The following RAB11FIP3 variants were observed in gnomAD, a reference collection of about 807,000 sequenced individuals.
RAB11FIP3 encodes RAB11 family interacting protein 3.
RAB11FIP3 carries 17 observed loss-of-function variants against 77.8 expected under a neutral mutation model. That is an observed-to-expected ratio of 0.22 (90% CI 0.15 to 0.33). The LOEUF (loss-of-function observed/expected upper bound fraction) is 0.33, where lower values mean the gene tolerates loss of function less well. Among genes scored for constraint, RAB11FIP3 ranks in the 10% least tolerant of loss-of-function variants. The pLI is 1.00. For missense variants in RAB11FIP3, 1,005 were observed against 1,011.2 expected, an observed-to-expected ratio of 0.99 and a Z score of 0.08; for synonymous variants, 437 against 448.2, an observed-to-expected ratio of 0.98 and a Z score of 0.31.
Position 505,186 on chromosome 16 carries a change from T to C in RAB11FIP3, c.1396-338T>C, listed in dbSNP as rs933559112. Among the ~76,000 whole-genome samples, 1 of 151,872 alleles carries C rather than the reference T, an allele frequency of 6.6e-6. No individual in the cohort carries two copies. Among genetic ancestry groups the C allele is most frequent in the Non-Finnish European group, 1.5e-5 (1 of 67,980 alleles). On this transcript the variant is annotated intron_variant, in intron 7 of 13. Transcript: ENST00000262305. This position sits in a 1 kb window ranked among gnomAD's most constrained non-coding sequence, Gnocchi z 4.0. ...GGGCACCTGGGCTGCCTCTGTGAGCTGCATCTGGCTGAGCAGAGACCCAAC... is the reference window on the plus strand; with the variant it reads ...GGGCACCTGGGCTGCCTCTGTGAGCCGCATCTGGCTGAGCAGAGACCCAAC...
intron 3 of RAB11FIP3, chr16:475,181 C>T (rs2055879453): frequency 5.5e-6 from 8 of 1,452,828 alleles, no homozygotes; most frequent in South Asian, 1.4e-5. Flanking sequence ...GGAACTGTGA[C>T]GGGGACAGTG....
chr16:498,578 C>T (rs2031306305), intron 6 of RAB11FIP3, among the ~76,000 whole-genome samples: 2 of 152,184 alleles, frequency 1.3e-5, no homozygotes, highest in Admixed American at 1.3e-4. Context: ...GACATCATCA[C>T]AGCTCTCAAT....
At chr16:454,667 G>A (rs1286355422) in intron 1 of RAB11FIP3, among the ~76,000 whole-genome samples, 2 of 152,124 alleles carry the variant, frequency 1.3e-5, no homozygotes, top group East Asian at 3.8e-4. Flanking sequence ...GGTCCCTGAG[G>A]CTAATGTGAT....
At chr16:492,838 C>T (rs1252870554) in intron 5 of RAB11FIP3, among the ~76,000 whole-genome samples, 1 of 152,182 alleles carries the variant, frequency 6.6e-6, no homozygotes, top group African/African-American at 2.4e-5. Context: ...CCAAGATGGC[C>T]ATGGTCGCCT....
chr16:490,748 A>G (rs545557973), intron 5 of RAB11FIP3, among the ~76,000 whole-genome samples: 1 of 152,366 alleles, frequency 6.6e-6, no homozygotes, highest in Admixed American at 6.5e-5. Context: ...ACCCGGAGAC[A>G]TGGTTCGCTA....
chr16:470,236 G>C (rs1221026236), intron 2 of RAB11FIP3, among the ~76,000 whole-genome samples: 1 of 151,720 alleles, frequency 6.6e-6, no homozygotes, highest in Non-Finnish European at 1.5e-5. Flanking sequence ...GACCTCAAAT[G>C]ATCCTCCTGC....
chr16:473,328 GT>G (rs1490290328), intron 3 of RAB11FIP3, among the ~76,000 whole-genome samples: 3 of 152,288 alleles, frequency 2.0e-5, no homozygotes, highest in East Asian at 1.9e-4. Context: ...ATGGAAGAAA[GT>G]TTTTTGACTT....
intron 1 of RAB11FIP3, among the ~76,000 whole-genome samples, chr16:455,049 C>CA (rs769495387): frequency 0.057 from 3,789 of 67,020 alleles, 239 homozygotes; most frequent in African/African-American, 0.17. Context: ...AACTCCGTCT[C>CA]AAAAAAAAAA....
At chr16:474,616 C>T (rs1395027071) in intron 3 of RAB11FIP3, among the ~76,000 whole-genome samples, 1 of 152,108 alleles carries the variant, frequency 6.6e-6, no homozygotes, top group Non-Finnish European at 1.5e-5. Flanking sequence ...ATCGTCGGGC[C>T]GCGCTCTCTC....
chr16:507,452 G>T lies in RAB11FIP3; in HGVS notation c.1499+1825G>T, dbSNP rs2031929208. Among the ~76,000 whole-genome samples the T allele has an allele frequency of 6.6e-6, 1 of 151,986 alleles. No individual in the cohort carries two copies. The highest frequency in any genetic ancestry group is 1.5e-5 in the Non-Finnish European group (1 of 68,006). On this transcript the variant is annotated intron_variant, in intron 8 of 13. Coordinates refer to ENST00000262305, the MANE Select transcript of RAB11FIP3 (RefSeq NM_014700.4). This position sits in a 1 kb window ranked among gnomAD's most constrained non-coding sequence, Gnocchi z 4.6. ...TATAGAGATGAGGTCTTGCCATGTT[G>T]CCCATGCTGGTCTCAAACGCCTGGC...
intron 7 of RAB11FIP3, among the ~76,000 whole-genome samples, chr16:503,989 CCCTCACCACCTCCTGTACCCCCT>C (rs2031678713): frequency 2.1e-5 from 2 of 94,506 alleles, no homozygotes; most frequent in African/African-American, 8.3e-5. Flanking sequence ...CTCCTGTACC[CCCTCACCACCTCCTGTACCCCCT>C]CACTACCTCC....
intron 8 of RAB11FIP3, among the ~76,000 whole-genome samples, chr16:509,953 G>A (rs1338814024): frequency 1.3e-5 from 2 of 152,260 alleles, no homozygotes; most frequent in East Asian, 1.9e-4. Context: ...TTCAGCTGCC[G>A]CGGACCACGT....
At chr16:438,469 T>C (rs2055168494) in intron 1 of RAB11FIP3, among the ~76,000 whole-genome samples, 1 of 141,208 alleles carries the variant, frequency 7.1e-6, no homozygotes, top group Non-Finnish European at 1.5e-5. Context: ...GCAGTGGCAC[T>C]ATCTCAGCTC....
intron 2 of RAB11FIP3, among the ~76,000 whole-genome samples, chr16:463,590 C>CATT: frequency 6.6e-6 from 1 of 152,196 alleles, no homozygotes; most frequent in Non-Finnish European, 1.5e-5. Flanking sequence ...AGGCATGTGC[C>CATT]ATTGCGCCCA....
intron 5 of RAB11FIP3, 90 bp from the exon 6 acceptor site, chr16:496,734 C>G: frequency 7.3e-7 from 1 of 1,372,824 alleles, no homozygotes; most frequent in Non-Finnish European, 1.0e-6. Context: ...GGCCGCCCAC[C>G]TCGTATCTCC....
At position 469,648 on chromosome 16, in the gene RAB11FIP3, C is replaced by T. The variant is rs2141678255; in HGVS notation, c.809-1647C>T. ...TAAGTGATCCGCCCGCCTCGGCCTCCCAAAGTGCTAGGATTACAGGCGTGA... is the reference window on the plus strand; with the variant it reads ...TAAGTGATCCGCCCGCCTCGGCCTCTCAAAGTGCTAGGATTACAGGCGTGA... On this transcript the variant is annotated intron_variant, in intron 2 of 13. Transcript: ENST00000262305. Among the ~76,000 whole-genome samples, 2 of 152,214 alleles carry T rather than the reference C, an allele frequency of 1.3e-5. 1 individual carries two copies. Among genetic ancestry groups the T allele is most frequent in the South Asian group, 4.1e-4 (2 of 4,820 alleles).
chr16:510,901 C>T lies in RAB11FIP3; in HGVS notation c.1640+101C>T, dbSNP rs1218479159. On this transcript the variant is annotated intron_variant, in intron 9 of 13. Transcript: ENST00000262305. The stretch of plus-strand genomic sequence containing the variant: ...CCCCAGAAACTGCAGGCCAGGTAGG[C>T]GAGGTTCCCGACAGCCCGCCAACCC... 9 of 1,265,238 alleles carry T rather than the reference C, an allele frequency of 7.1e-6. No individual in the cohort carries two copies. The South Asian group carries it at 1.1e-4, about 16-fold the overall frequency. The allele number at this position is 1,265,238 out of a possible 1,614,324, so 78.4% of individuals were successfully genotyped here.
At chr16:490,357 G>A (rs1031953386) in intron 5 of RAB11FIP3, among the ~76,000 whole-genome samples, 40 of 152,306 alleles carry the variant, frequency 2.6e-4, no homozygotes, top group Middle Eastern at 3.4e-3. Flanking sequence ...ACTGAGTTTC[G>A]ACAGGTCGGT....
rs1453616154 is a variant in RAB11FIP3, at chr16:426,087, G to T, written c.81G>T (p.Pro27=). Residue 27 remains proline, a synonymous_variant, in exon 1 of 14, where the codon CCG becomes CCT. Coordinates refer to ENST00000262305, the MANE Select transcript of RAB11FIP3 (RefSeq NM_014700.4). This position sits in a 1 kb window ranked among gnomAD's most constrained non-coding sequence, Gnocchi z 5.0. ...PDPEPGGPDG[P]GAAQLAPGPA... is the part of the protein sequence containing the mutation. ...CGGAGCCGGGCGGGCCGGACGGGCC[G>T]GGGGCGGCACAACTGGCTCCGGGCC... 1.0e-6 allele frequency: 1 copy of T among 1,003,014 alleles called. No individual in the cohort carries two copies. Among genetic ancestry groups the T allele is most frequent in the East Asian group, 1.0e-4 (1 of 9,672 alleles). 62.1% of individuals were successfully genotyped at this position (1,003,014 alleles called of 1,614,324 possible).
Sources: allele counts gnomAD v4.1 joint callset (sites outside exome capture counted in the v4.1 genomes callset), GRCh38; gene constraint gnomAD v4.1.1; non-coding constraint Gnocchi (gnomAD v3.1); transcripts MANE v1.5; gene names NCBI Gene and HGNC (gene_info 2026-07-23, HGNC 2026-07-21).